Variants in INO80E observed in about 807,000 individuals in gnomAD.
INO80E encodes the protein coiled-coil domain containing 95.
INO80E carries 20 observed loss-of-function variants against 27.3 expected under a neutral mutation model. The observed-to-expected ratio is 0.73, with a 90% CI of 0.51 to 1.06. The LOEUF is 1.06. Among genes scored for constraint, INO80E ranks in the 50% least tolerant of loss-of-function variants. INO80E has a pLI of 0.00. For missense variants in INO80E, 357 were observed against 322.8 expected (o/e 1.11, Z -0.81); for synonymous variants, 167 against 145.9 (o/e 1.14, Z -1.04).
Position 30,000,745 on chromosome 16 carries a change from G to C in INO80E, c.206-13G>C. On this transcript the variant is annotated splice_polypyrimidine_tract_variant and intron_variant, in intron 3 of 6. Transcript: ENST00000563197. ...ATCCCCCCATCCCCACTGACCAGCT[G>C]TCCCCATCACAGACTCAGATGCCAC... 6.2e-7 allele frequency: 1 copy of C among 1,612,692 alleles called. No homozygotes were observed. Among genetic ancestry groups the C allele is most frequent in the African/African-American group, 1.3e-5 (1 of 74,998 alleles).
chr16:29,996,869 G>A lies in INO80E; in HGVS notation c.205+9G>A. ...GGATGAAGACTCTTCGGGTGAGCAA[G>A]GTCTTCAAAAATTGGTGGAGAGCAT... On this transcript the variant is annotated intron_variant, in intron 3 of 6. Coordinates refer to ENST00000563197, the MANE Select transcript of INO80E (RefSeq NM_173618.3). 6.2e-7 allele frequency: 1 copy of A among 1,613,930 alleles called. No individual in the cohort carries two copies. Among genetic ancestry groups the A allele is most frequent in the Non-Finnish European group, 8.5e-7 (1 of 1,179,780 alleles).
Position 30,005,144 on chromosome 16 carries a change from TG to T in INO80E, c.514-71del, listed in dbSNP as rs966656945. 4.3e-6 allele frequency: 6 copies of T among 1,404,444 alleles called. No homozygotes were observed. The Admixed American group carries it at 1.0e-4, about 24-fold the overall frequency. The allele number at this position is 1,404,444 out of a possible 1,614,324, so 87.0% of individuals were successfully genotyped here. On this transcript the variant is annotated intron_variant, in intron 6 of 6. Transcript: ENST00000563197. ...CTCTTCCCCCTCCCCAGAGCTGCCC[TG>T]GGGGGCAAAGCCTAGTCTCCTGAGG... is the stretch of plus-strand genomic sequence containing the variant.
chr16:30,004,742 G>C (rs1002350360), intron 6 of INO80E: 6 of 156,296 alleles, frequency 3.8e-5, no homozygotes, highest in African/African-American at 1.4e-4. Context: ...CAAGCTTCTT[G>C]GGGGCAGATA....
chr16:29,996,382 C>G lies in INO80E; in HGVS notation c.72C>G (p.Phe24Leu). Residue 24 changes from phenylalanine (F) to leucine (L), a missense_variant, in exon 1 of 7, where the codon TTC becomes TTG. Physicochemically the swap from Phe to Leu is conservative, Grantham distance 22 (BLOSUM62 0). Coordinates refer to ENST00000563197, the MANE Select transcript of INO80E (RefSeq NM_173618.3). ...GGAATCTGAAGCGGAAGCTCAAGTTCCTCATCTACGTGAGTGCTGCCGCGG... is the reference window on the plus strand; with the variant it reads ...GGAATCTGAAGCGGAAGCTCAAGTTGCTCATCTACGTGAGTGCTGCCGCGG... ...KYRNLKRKLKFLIYEHECFQE... is the reference protein window; with the variant it reads ...KYRNLKRKLKLLIYEHECFQE... 1 of 1,591,556 alleles carries G rather than the reference C, an allele frequency of 6.3e-7. No homozygotes were observed. The highest frequency in any genetic ancestry group is 8.6e-7 in the Non-Finnish European group (1 of 1,168,696).
intron 6 of INO80E, chr16:30,004,573 G>A (rs972030929): frequency 1.9e-5 from 3 of 154,468 alleles, no homozygotes; most frequent in Non-Finnish European, 2.9e-5. Context: ...TTTAGAGCGC[G>A]CGCTCTGGCT....
rs745862884 is a variant in INO80E, at chr16:29,996,271, A to G, written c.-40A>G. ...CGGCACGGCAGCCACTGCTTGGGGT[A>G]GCGGGAGGGCAGACTCTGGGCGCCA... On this transcript the variant is annotated 5_prime_UTR_variant, in exon 1 of 7. Transcript: ENST00000563197. The G allele has an allele frequency of 1.3e-5, 20 of 1,548,854 alleles. No homozygotes were observed. Among genetic ancestry groups the G allele is most frequent in the Middle Eastern group, 1.9e-4 (1 of 5,266 alleles).
chr16:30,001,490 C>A lies in INO80E; in HGVS notation c.473C>A (p.Pro158His), dbSNP rs139600283. ...LQLPEPSPLR[P>H]KREKRPRLPR... ...CTGCCCGAGCCCAGTCCCCTGAGGC[C>A]CAAGCGGGAGAAACGGCCCCGCCTG... The change falls in exon 6 of 7, where the codon CCC (proline) becomes CAC (histidine). Residue 158 changes from proline to histidine, a missense_variant. Pro to His is a moderately conservative substitution (Grantham distance 77). Transcript: ENST00000563197. 3.3e-4 allele frequency: 526 copies of A among 1,613,312 alleles called. 1 individual carries two copies. The highest frequency in any genetic ancestry group is 3.6e-4 in the Non-Finnish European group (424 of 1,179,746).
chr16:30,001,626 C>T (rs1207007147), intron 6 of INO80E, 96 bp downstream of exon 6: 3 of 1,208,150 alleles, frequency 2.5e-6, no homozygotes, highest in Admixed American at 4.5e-5. Flanking sequence ...GAACCATGAA[C>T]AGTTAATTTG....
chr16:29,999,653 G>T (rs1217770941), intron 3 of INO80E: 2 of 152,258 alleles, frequency 1.3e-5, no homozygotes, highest in Non-Finnish European at 2.9e-5. Flanking sequence ...CTAGGCAGAG[G>T]CACTGAACTA....
rs1273574377 is a variant in INO80E, at chr16:30,005,226, G to A, written c.519G>A (p.Ala173=). ...GTTTCTTCCCCCTGCTGCAGATGGCGGTGGGACCCCCCGACTGCCCTGTGG... is the reference window on the plus strand; with the variant it reads ...GTTTCTTCCCCCTGCTGCAGATGGCAGTGGGACCCCCCGACTGCCCTGTGG... The part of the protein sequence containing the change: ...RPRLPRKLKM[A]VGPPDCPVGG... Residue 173 remains alanine, a synonymous_variant, in exon 7 of 7, where the codon GCG becomes GCA. Transcript: ENST00000563197. 1.2e-5 allele frequency: 17 copies of A among 1,437,322 alleles called. No homozygotes were observed. The highest frequency in any genetic ancestry group is 2.9e-5 in the East Asian group (1 of 34,750). The allele number at this position is 1,437,322 out of a possible 1,614,324, so 89.0% of individuals were successfully genotyped here.
intron 2 of INO80E, 67 bp downstream of exon 2, chr16:29,996,684 C>G (rs189412116): frequency 1.9e-6 from 3 of 1,585,688 alleles, no homozygotes; most frequent in Non-Finnish European, 2.6e-6. Flanking sequence ...ACCCCATCCC[C>G]GAGTAGGGCC....
intron 6 of INO80E, chr16:30,004,686 C>T (rs1400580418): frequency 1.3e-5 from 2 of 155,338 alleles, no homozygotes; most frequent in Non-Finnish European, 2.9e-5. Context: ...TGGGCCTAGG[C>T]CACAGCTGCC....
At position 30,005,442 on chromosome 16, in the gene INO80E, A is replaced by AC; in HGVS notation, c.*2dup. 6.3e-7 allele frequency: 1 copy of AC among 1,594,624 alleles called. No homozygotes were observed. The highest frequency in any genetic ancestry group is 8.5e-7 in the Non-Finnish European group (1 of 1,171,340). ...ACCTGGTGATCGACATCCCGGAGTGACCGTGACATCACGCCATGCCCACCA... is the reference window on the plus strand; with the variant it reads ...ACCTGGTGATCGACATCCCGGAGTGACCCGTGACATCACGCCATGCCCACCA... On this transcript the variant is annotated 3_prime_UTR_variant, in exon 7 of 7. Transcript: ENST00000563197.
chr16:29,996,507 G>A, intron 1 of INO80E, 40 bp from the exon 2 acceptor site: 1 of 1,553,908 alleles, frequency 6.4e-7, no homozygotes, highest in African/African-American at 1.4e-5. Flanking sequence ...GCCCTTCACG[G>A]AGGACCGTTG....
intron 6 of INO80E, 80 bp downstream of exon 6, chr16:30,001,610 G>A (rs2070359736): frequency 1.5e-6 from 2 of 1,349,308 alleles, no homozygotes; most frequent in East Asian, 2.4e-5. Flanking sequence ...GCGGGGGCCT[G>A]TCAGAGAACC....
rs1174230719 is a variant in INO80E at position 30,005,720 on chromosome 16, C to G, written c.*278C>G. 1 of 526,786 alleles carries G rather than the reference C, an allele frequency of 1.9e-6. No individual in the cohort carries two copies. The highest frequency in any genetic ancestry group is 3.3e-6 in the Non-Finnish European group (1 of 300,760). The allele number at this position is 526,786 out of a possible 1,614,324, so 32.6% of individuals were successfully genotyped here. ...GAGGCAGAGACCCTGCAATGGCCAC[C>G]TCTTTAAAAGGGCAGCTGTACAGGG... On this transcript the variant is annotated 3_prime_UTR_variant, in exon 7 of 7. Transcript: ENST00000563197.
chr16:30,005,307 G>A lies in INO80E; in HGVS notation c.600G>A (p.Leu200=). 2 of 1,387,160 alleles carry A rather than the reference G, an allele frequency of 1.4e-6. No individual in the cohort carries two copies. Among genetic ancestry groups the A allele is most frequent in the Non-Finnish European group, 1.9e-6 (2 of 1,068,430 alleles). The allele number at this position is 1,387,160 out of a possible 1,614,324, so 85.9% of individuals were successfully genotyped here. ...CTGGGGCTGGGGTCGGGACAACCCT[G>A]ACCCCCCTCCCACCCCCTAAGATGC... is the stretch of plus-strand genomic sequence containing the variant. ...RGSGAGVGTT[L]TPLPPPKMPP... Residue 200 remains leucine (L), a synonymous_variant, in exon 7 of 7, where the codon CTG becomes CTA. Coordinates refer to ENST00000563197, the MANE Select transcript of INO80E (RefSeq NM_173618.3).
chr16:30,005,555 GC>G lies in INO80E; in HGVS notation c.*115del. 1 of 1,030,030 alleles carries G rather than the reference GC, an allele frequency of 9.7e-7. No homozygotes were observed. Among genetic ancestry groups the G allele is most frequent in the Non-Finnish European group, 1.4e-6 (1 of 693,692 alleles). 63.8% of individuals were successfully genotyped at this position (1,030,030 alleles called of 1,614,324 possible). On this transcript the variant is annotated 3_prime_UTR_variant, in exon 7 of 7. Transcript: ENST00000563197. Reference sequence around the variant, plus strand: ...ATTGATGCCCAGCTGCCATGCTCCGGCCACTGACACAACCAGAAAAGGCGTA... The same window carrying G: ...ATTGATGCCCAGCTGCCATGCTCCGGCACTGACACAACCAGAAAAGGCGTA...
At chr16:30,000,720 A>G (rs2070315513) in intron 3 of INO80E, 38 bp from the exon 4 acceptor site, 1 of 1,554,864 alleles carries the variant, frequency 6.4e-7, no homozygotes, top group Non-Finnish European at 8.9e-7. Flanking sequence ...ATGGACTGGG[A>G]TCCCCCCATC....
Sources: allele counts gnomAD v4.1 joint callset, GRCh38; gene constraint gnomAD v4.1.1; transcripts MANE v1.5; gene names NCBI Gene and HGNC (gene_info 2026-07-23, HGNC 2026-07-21).